Variants in FAM81B observed in about 807,000 individuals in gnomAD.
FAM81B encodes the protein protein FAM81B.
A neutral mutation model predicts 58.7 loss-of-function variants in FAM81B; 60 were observed. The observed-to-expected ratio is 1.02, with a 90% CI of 0.83 to 1.27. The LOEUF is 1.27. Among genes scored for constraint, FAM81B ranks in the 50% most tolerant of loss-of-function variants. The pLI, the probability that FAM81B is intolerant of heterozygous loss-of-function variation, is 0.00. For missense variants in FAM81B, 491 were observed against 522.0 expected, an observed-to-expected ratio of 0.94 and a Z score of 0.58; for synonymous variants, 189 against 179.6, an observed-to-expected ratio of 1.05 and a Z score of -0.42.
intron 7 of FAM81B, among the ~76,000 whole-genome samples, chr5:95,437,804 G>C (rs1373162376): frequency 1.3e-5 from 2 of 151,834 alleles, no homozygotes; most frequent in African/African-American, 4.9e-5. Context: ...ATCATTTCCA[G>C]GGTCATGGTG....
chr5:95,414,760 C>T (rs1227749085), intron 4 of FAM81B, among the ~76,000 whole-genome samples: 1 of 152,192 alleles, frequency 6.6e-6, no homozygotes, highest in African/African-American at 2.4e-5. Context: ...CTCCAGGTTT[C>T]TGTTCAAATA....
Position 95,442,099 on chromosome 5 carries a change from G to C in FAM81B, c.894-4463G>C, listed in dbSNP as rs139205007. Among the ~76,000 whole-genome samples the C allele has an allele frequency of 3.4e-3, 525 of 152,278 alleles. 4 individuals carry two copies. Among genetic ancestry groups the C allele is most frequent in the African/African-American group, 0.012 (499 of 41,548 alleles). On this transcript the variant is annotated intron_variant, in intron 7 of 9. Coordinates refer to ENST00000283357, the MANE Select transcript of FAM81B (RefSeq NM_152548.3). Reference sequence around the variant, plus strand: ...AGAAAGTTAATAATTACCCAGTACAGAGATATGTCAAATTCAACTTTGTAT... The same window carrying C: ...AGAAAGTTAATAATTACCCAGTACACAGATATGTCAAATTCAACTTTGTAT...
At chr5:95,399,255 A>G (rs899137421) in intron 3 of FAM81B, among the ~76,000 whole-genome samples, 14 of 152,248 alleles carry the variant, frequency 9.2e-5, no homozygotes, top group African/African-American at 3.4e-4. Flanking sequence ...GTCTGAAAGT[A>G]TTCATTTTCA....
At chr5:95,432,155 T>C (rs1744925116) in intron 6 of FAM81B, among the ~76,000 whole-genome samples, 1 of 152,102 alleles carries the variant, frequency 6.6e-6, no homozygotes, top group Non-Finnish European at 1.5e-5. Context: ...AAATACCTTT[T>C]CAGCATTTAT....
chr5:95,438,259 C>T (rs1171588492), intron 7 of FAM81B, among the ~76,000 whole-genome samples: 2 of 152,096 alleles, frequency 1.3e-5, no homozygotes, highest in Non-Finnish European at 2.9e-5. Flanking sequence ...TGAGGGTGTT[C>T]AGTGAGTAGC....
chr5:95,437,541 T>C (rs2152768935), intron 7 of FAM81B, among the ~76,000 whole-genome samples: 1 of 152,256 alleles, frequency 6.6e-6, no homozygotes, highest in African/African-American at 2.4e-5. Flanking sequence ...GGTTTCTCCA[T>C]GTTGAGGCTG....
chr5:95,424,039 C>A lies in FAM81B; in HGVS notation c.656+3637C>A, dbSNP rs556673047. 1.0e-5 allele frequency: 13 copies of A among 1,289,566 alleles called. No individual in the cohort carries two copies. The African/African-American group carries it at 1.8e-4, about 18-fold the overall frequency. 79.9% of individuals were successfully genotyped at this position (1,289,566 alleles called of 1,614,324 possible). On this transcript the variant is annotated intron_variant, in intron 5 of 9. Transcript: ENST00000283357. ...GATGCAACCGTGTTCTTTATCATTT[C>A]TATCATCTAGGACCTCCCTCCTTGC...
In FAM81B at chr5:95,398,796, A is replaced by T. The variant is rs1762030740; in HGVS notation, c.293+2621A>T. Among the ~76,000 whole-genome samples, 3 of 152,308 alleles carry T rather than the reference A, an allele frequency of 2.0e-5. No individual in the cohort carries two copies. The South Asian group carries it at 6.2e-4, about 32-fold the overall frequency. On this transcript the variant is annotated intron_variant, in intron 3 of 9. Transcript: ENST00000283357. ...TTTGAGAAAAGACCAGGAAGTGAGG[A>T]ATTTGTCCATATGGACATCTAGGGG...
intron 7 of FAM81B, among the ~76,000 whole-genome samples, chr5:95,439,773 A>C (rs1313403826): frequency 2.0e-5 from 3 of 152,218 alleles, no homozygotes; most frequent in Non-Finnish European, 4.4e-5. Context: ...AATGAAGTAG[A>C]TAATGTATAG....
At chr5:95,439,546 C>A (rs1218982719) in intron 7 of FAM81B, among the ~76,000 whole-genome samples, 4 of 151,182 alleles carry the variant, frequency 2.6e-5, no homozygotes, top group Non-Finnish European at 5.9e-5. Flanking sequence ...GAGATATTAA[C>A]CATTTGACTG....
At position 95,401,000 on chromosome 5, in the gene FAM81B, A is replaced by G. The variant is rs139190787; in HGVS notation, c.293+4825A>G. Among the ~76,000 whole-genome samples, 610 of 150,956 alleles carry G rather than the reference A, an allele frequency of 4.0e-3. 3 individuals carry two copies. Among genetic ancestry groups the G allele is most frequent in the South Asian group, 0.012 (55 of 4,728 alleles). ...CACAAATGCTACAGGAACTCCCAAC[A>G]TCATCAAAACAATTTGCTACTGCAG... On this transcript the variant is annotated intron_variant, in intron 3 of 9. Transcript: ENST00000283357.
chr5:95,427,241 G>T (rs1340051285), intron 5 of FAM81B, among the ~76,000 whole-genome samples: 1 of 152,150 alleles, frequency 6.6e-6, no homozygotes, highest in Admixed American at 6.5e-5. Flanking sequence ...CCACTCCTGA[G>T]CAGTCTTTGG....
chr5:95,430,567 G>C (rs1159033179), intron 6 of FAM81B, among the ~76,000 whole-genome samples: 1 of 151,822 alleles, frequency 6.6e-6, no homozygotes, highest in Non-Finnish European at 1.5e-5. Flanking sequence ...CTCTTGCATA[G>C]ATGGACATTT....
chr5:95,446,265 G>T (rs1483023871), intron 7 of FAM81B, among the ~76,000 whole-genome samples: 2 of 152,162 alleles, frequency 1.3e-5, no homozygotes, highest in African/African-American at 4.8e-5. Context: ...ATTCTGCATG[G>T]ATAACACTAC....
intron 6 of FAM81B, among the ~76,000 whole-genome samples, chr5:95,432,468 T>C (rs1490127264): frequency 2.4e-4 from 36 of 152,148 alleles, no homozygotes; most frequent in Admixed American, 2.4e-3. Context: ...CTTTAAGGAT[T>C]TGGTAGCTTT....
At chr5:95,424,762 A>T (rs1762779389) in intron 5 of FAM81B, among the ~76,000 whole-genome samples, 1 of 151,454 alleles carries the variant, frequency 6.6e-6, no homozygotes. Context: ...AGGAAGGGTC[A>T]GAAACCACTG....
rs7715578 is a variant in FAM81B, at chr5:95,439,464, A to T, written c.893+2558A>T. Among the ~76,000 whole-genome samples, 522 of 151,872 alleles carry T rather than the reference A, an allele frequency of 3.4e-3. 4 individuals carry two copies. The highest frequency in any genetic ancestry group is 0.012 in the African/African-American group (496 of 41,480). On this transcript the variant is annotated intron_variant, in intron 7 of 9. Transcript: ENST00000283357. ...TATTTGAATATTCTGTGAATTGCCCATTATTATTTATCAAATTTTGTATTG... is the reference window on the plus strand; with the variant it reads ...TATTTGAATATTCTGTGAATTGCCCTTTATTATTTATCAAATTTTGTATTG...
At chr5:95,397,202 G>A (rs975258476) in intron 3 of FAM81B, 3 of 152,090 alleles carry the variant, frequency 2.0e-5, no homozygotes, top group South Asian at 2.1e-4. Context: ...GTATGTTAGC[G>A]TTAGCCCCTT....
chr5:95,420,030 C>A (rs1457437625), intron 4 of FAM81B, among the ~76,000 whole-genome samples: 1 of 152,134 alleles, frequency 6.6e-6, no homozygotes, highest in African/African-American at 2.4e-5. Flanking sequence ...CATATAAAAT[C>A]TGGATTTCTA....
Sources: gnomAD v4.1 joint callset for allele counts (sites outside exome capture counted in the v4.1 genomes callset) on GRCh38, gnomAD v4.1.1 for gene constraint, MANE v1.5 for transcripts, NCBI Gene and HGNC (gene_info 2026-07-23, HGNC 2026-07-21) for gene names.